The following CDK5RAP2 variants were observed in gnomAD, a reference collection of about 807,000 sequenced individuals.
CDK5RAP2 encodes the protein CDK5 regulatory subunit associated protein 2, also known as CDK5 regulatory subunit-associated protein 2.
A neutral mutation model predicts 232.9 loss-of-function variants in CDK5RAP2; 147 were observed. The observed-to-expected ratio is 0.63, with a 90% CI of 0.55 to 0.72. The LOEUF (loss-of-function observed/expected upper bound fraction) is 0.72. Ranked by LOEUF, CDK5RAP2 falls within the 30% of genes least tolerant of loss-of-function variation. The probability of loss-of-function intolerance (pLI) is 0.00; values close to 1 mark genes in which losing one functional copy is unlikely to be tolerated. For missense variants in CDK5RAP2, 2,195 were observed against 2,231.5 expected (o/e 0.98, Z 0.33); for synonymous variants, 833 against 833.7 (o/e 1.00, Z 0.01).
chr9:120,568,813 G>C (rs1588676149), intron 2 of CDK5RAP2, among the ~76,000 whole-genome samples: 2 of 152,030 alleles, frequency 1.3e-5, no homozygotes, highest in Admixed American at 6.6e-5. Context: ...AGGCTTTGTG[G>C]GCCATACACA....
At chr9:120,422,792 T>C in intron 25 of CDK5RAP2, 51 bp from the exon 26 acceptor site, 1 of 1,384,484 alleles carries the variant, frequency 7.2e-7, no homozygotes, top group African/African-American at 1.4e-5. Context: ...TGTTTTTAAG[T>C]GTTCCCTAAT....
Position 120,458,570 on chromosome 9 carries a change from G to A in CDK5RAP2, c.2255C>T (p.Thr752Met), listed in dbSNP as rs202244167. Residue 752 changes from threonine (T) to methionine (M), a missense_variant, in exon 20 of 38, where the codon ACG (threonine) becomes ATG (methionine). By Grantham distance (81) the Thr-to-Met change is moderately conservative (BLOSUM62 -1). Transcript: ENST00000349780. Reference protein sequence around the residue: ...GGCKNGYLRHTESKISDCDGA... With the variant: ...GGCKNGYLRHMESKISDCDGA... ...ATCACAATCTGAAATCTTAGACTCC[G>A]TGTGCCTTAAGTATCCATTTTTGCA... 5.6e-5 allele frequency: 90 copies of A among 1,614,100 alleles called. 1 individual carries two copies. The highest frequency in any genetic ancestry group is 2.4e-4 in the South Asian group (22 of 91,086).
chr9:120,422,609 GGAGCCAAAATATTTTAAAAGCT>G, intron 26 of CDK5RAP2, 62 bp downstream of exon 26: 1 of 1,037,020 alleles, frequency 9.6e-7, no homozygotes, highest in South Asian at 1.3e-5. Flanking sequence ...AGAATGGGAA[GGAGCCAAAATATTTTAAAAGCT>G]GGCAGGTAAA....
intron 35 of CDK5RAP2, among the ~76,000 whole-genome samples, chr9:120,397,271 T>TG (rs2032554871): frequency 6.6e-6 from 1 of 152,168 alleles, no homozygotes; most frequent in Non-Finnish European, 1.5e-5. Flanking sequence ...GCTTCAGCAA[T>TG]GATCAATTCA....
chr9:120,502,579 C>G (rs1417290785), intron 12 of CDK5RAP2, among the ~76,000 whole-genome samples: 1 of 152,202 alleles, frequency 6.6e-6, no homozygotes, highest in Non-Finnish European at 1.5e-5. Flanking sequence ...CCACATTTCT[C>G]CCACAAATCC....
At position 120,525,203 on chromosome 9, in the gene CDK5RAP2, C is replaced by T. The variant is rs74409253; in HGVS notation, c.1000-125G>A. On this transcript the variant is annotated intron_variant, in intron 10 of 37. Coordinates refer to ENST00000349780, the MANE Select transcript of CDK5RAP2 (RefSeq NM_018249.6). ...AAGGGCTTTGTAGTCAGAAGAGATT[C>T]GAGTGGGATTTCCAGTTTAGCCGTT... 16 of 770,336 alleles carry T rather than the reference C, an allele frequency of 2.1e-5. No individual in the cohort carries two copies. The African/African-American group carries it at 2.2e-4, about 11-fold the overall frequency. 47.7% of individuals were successfully genotyped at this position (770,336 alleles called of 1,614,324 possible). A position where few individuals can be genotyped will look rare whatever the true frequency, so the allele number is the denominator to read the frequency against.
At chr9:120,425,143 C>T (rs2034814454) in intron 25 of CDK5RAP2, among the ~76,000 whole-genome samples, 1 of 152,174 alleles carries the variant, frequency 6.6e-6, no homozygotes, top group Admixed American at 6.5e-5. Flanking sequence ...AAACTCATGA[C>T]CACACCAGGA....
At chr9:120,530,492 G>A (rs1319870174) in intron 7 of CDK5RAP2, among the ~76,000 whole-genome samples, 3 of 152,136 alleles carry the variant, frequency 2.0e-5, no homozygotes, top group Admixed American at 2.0e-4. Flanking sequence ...TGAAACCTAA[G>A]CAAACAAAAC....
chr9:120,547,394 A>C (rs1262417381), intron 4 of CDK5RAP2, among the ~76,000 whole-genome samples: 1 of 151,846 alleles, frequency 6.6e-6, no homozygotes, highest in Non-Finnish European at 1.5e-5. Context: ...ACTTGAGGTC[A>C]GGAGTTCGAG....
At chr9:120,407,712 A>C (rs541630252) in intron 31 of CDK5RAP2, 3,935 of 16,312 alleles carry the variant, frequency 0.24, 156 homozygotes, top group African/African-American at 0.44. Context: ...TTAGTAAAAT[A>C]AAAAAAAAAA....
intron 1 of CDK5RAP2, among the ~76,000 whole-genome samples, chr9:120,577,436 G>C (rs2043078420): frequency 6.6e-6 from 1 of 152,076 alleles, no homozygotes; most frequent in Admixed American, 6.5e-5. Context: ...GGGGGAATAG[G>C]GAGTTACTGT....
intron 25 of CDK5RAP2, among the ~76,000 whole-genome samples, chr9:120,429,598 T>C (rs1301683937): frequency 6.6e-6 from 1 of 151,918 alleles, no homozygotes; most frequent in Non-Finnish European, 1.5e-5. Flanking sequence ...CACTGCTCAA[T>C]GAAATAAAAG....
At chr9:120,578,175 G>A (rs1035544327) in intron 1 of CDK5RAP2, among the ~76,000 whole-genome samples, 7 of 152,168 alleles carry the variant, frequency 4.6e-5, no homozygotes, top group Non-Finnish European at 1.5e-5. Flanking sequence ...GCTCAGGCAG[G>A]AGAATTGCTT....
intron 12 of CDK5RAP2, among the ~76,000 whole-genome samples, chr9:120,498,589 A>C (rs1194645614): frequency 2.0e-5 from 3 of 152,140 alleles, no homozygotes; most frequent in Non-Finnish European, 4.4e-5. Flanking sequence ...ATCAATGTTA[A>C]TTTCCTGATA....
At chr9:120,451,463 T>A (rs2036476601) in intron 21 of CDK5RAP2, among the ~76,000 whole-genome samples, 1 of 152,232 alleles carries the variant, frequency 6.6e-6, no homozygotes, top group Admixed American at 6.5e-5. Context: ...ACTGTAAGGA[T>A]ATCTGGTCTC....
intron 12 of CDK5RAP2, among the ~76,000 whole-genome samples, chr9:120,493,385 T>A (rs1014795980): frequency 9.9e-5 from 15 of 152,238 alleles, no homozygotes; most frequent in African/African-American, 3.1e-4. Context: ...TTCACTTTCC[T>A]GTATGAGCTG....
Position 120,528,791 on chromosome 9 carries a change from G to C in CDK5RAP2, c.832C>G (p.Gln278Glu). 1 of 1,609,342 alleles carries C rather than the reference G, an allele frequency of 6.2e-7. No homozygotes were observed. Among genetic ancestry groups the C allele is most frequent in the East Asian group, 2.2e-5 (1 of 44,870 alleles). ...TTTCTCTCCTTCTGATGCTCCATTTGTGCAGCCTAAGAAAAGGCATTAATT... is the reference window on the plus strand; with the variant it reads ...TTTCTCTCCTTCTGATGCTCCATTTCTGCAGCCTAAGAAAAGGCATTAATT... The part of the protein sequence containing the change: ...EEKERETEAA[Q>E]MEHQKERNSF... The change falls in exon 9 of 38, where the codon CAA (glutamine) becomes GAA (glutamate). Residue 278 changes from glutamine (Q) to glutamate (E), a missense_variant. Transcript: ENST00000349780.
intron 12 of CDK5RAP2, among the ~76,000 whole-genome samples, chr9:120,517,134 G>A (rs1410745953): frequency 6.6e-6 from 1 of 152,150 alleles, no homozygotes; most frequent in East Asian, 1.9e-4. Context: ...TAGACCAGGA[G>A]CCCAGGGGCA....
At chr9:120,408,917 T>C (rs1385049219) in intron 30 of CDK5RAP2, among the ~76,000 whole-genome samples, 1 of 152,210 alleles carries the variant, frequency 6.6e-6, no homozygotes, top group East Asian at 1.9e-4. Context: ...GACTCACCCT[T>C]GACAAAAAAC....
Sources: allele counts gnomAD v4.1 joint callset (sites outside exome capture counted in the v4.1 genomes callset), GRCh38; gene constraint gnomAD v4.1.1; transcripts MANE v1.5; gene names NCBI Gene and HGNC (gene_info 2026-07-23, HGNC 2026-07-21).